Variants in C12orf56 observed in about 807,000 individuals in gnomAD.
C12orf56 encodes the protein chromosome 12 open reading frame 56, also known as uncharacterized protein C12orf56.
A neutral mutation model predicts 69.9 loss-of-function variants in C12orf56; 71 were observed. The observed-to-expected ratio is 1.02, with a 90% CI of 0.84 to 1.24. C12orf56 has a LOEUF of 1.24. Among genes scored for constraint, C12orf56 ranks in the 50% most tolerant of loss-of-function variants. The pLI is 0.00. For missense variants in C12orf56, 732 were observed against 738.5 expected, an observed-to-expected ratio of 0.99 and a Z score of 0.10; for synonymous variants, 276 against 274.1, an observed-to-expected ratio of 1.01 and a Z score of -0.07.
chr12:64,285,939 C>A lies in C12orf56; in HGVS notation c.1220+15G>T. The A allele has an allele frequency of 6.7e-7, 1 of 1,487,494 alleles. No homozygotes were observed. The highest frequency in any genetic ancestry group is 9.1e-7 in the Non-Finnish European group (1 of 1,098,054). 92.1% of individuals were successfully genotyped at this position (1,487,494 alleles called of 1,614,324 possible). A position where few individuals can be genotyped will look rare whatever the true frequency, so the allele number is the denominator to read the frequency against. ...CAAAAAAAAAAAAATCGATGATTAT[C>A]TAGTTAGTACTTACACCAGCTCATC... On this transcript the variant is annotated intron_variant, in intron 7 of 12. Coordinates refer to ENST00000543942, the MANE Select transcript of C12orf56 (RefSeq NM_001170633.2).
At chr12:64,390,241 G>T in intron 1 of C12orf56, 73 bp downstream of exon 1, 1 of 1,493,418 alleles carries the variant, frequency 6.7e-7, no homozygotes, top group Non-Finnish European at 8.9e-7. Flanking sequence ...CGCGCAGGAG[G>T]GCTGGGTTTG....
chr12:64,306,821 T>C (rs771267067), intron 5 of C12orf56, among the ~76,000 whole-genome samples: 8 of 152,222 alleles, frequency 5.3e-5, no homozygotes, highest in Non-Finnish European at 1.2e-4. Context: ...ATTTTCACAG[T>C]GGTCAGCTTG....
chr12:64,352,848 AC>A, intron 2 of C12orf56, 45 bp downstream of exon 2: 18 of 1,449,028 alleles, frequency 1.2e-5, no homozygotes, highest in East Asian at 4.8e-5. Context: ...ATATATATAT[AC>A]TTTTTTTTTT....
chr12:64,312,832 T>C, intron 4 of C12orf56, 80 bp from the exon 5 acceptor site: 1 of 1,035,716 alleles, frequency 9.7e-7, no homozygotes, highest in Non-Finnish European at 1.4e-6. Context: ...CAATGTTATG[T>C]ATCTATTCTT....
In C12orf56 at chr12:64,390,527, C is replaced by A. The variant is rs771384163; in HGVS notation, c.39G>T (p.Arg13Ser). 3 of 1,596,882 alleles carry A rather than the reference C, an allele frequency of 1.9e-6. No homozygotes were observed. The highest frequency in any genetic ancestry group is 1.3e-5 in the African/African-American group (1 of 74,818). Reference protein sequence around the residue: ...SPLPSGFPARRNSRLDVFLRR... With the variant: ...SPLPSGFPARSNSRLDVFLRR... ...GCAGGAACACATCCAGGCGGCTGTT[C>A]CTGCGCGCGGGGAAGCCGGACGGCA... is the stretch of plus-strand genomic sequence containing the variant. The change falls in exon 1 of 13, where the codon AGG becomes AGT. Residue 13 changes from arginine to serine, a missense_variant. Coordinates refer to ENST00000543942, the MANE Select transcript of C12orf56 (RefSeq NM_001170633.2).
intron 1 of C12orf56, among the ~76,000 whole-genome samples, chr12:64,365,839 G>C (rs2039465257): frequency 7.3e-6 from 1 of 136,086 alleles, no homozygotes; most frequent in East Asian, 2.1e-4. Context: ...ATAATATATA[G>C]TGTATATATT....
At position 64,390,319 on chromosome 12, in the gene C12orf56, C is replaced by T; in HGVS notation, c.247G>A (p.Asp83Asn). ...TGCCCACCCGCGCCGCTCACCAGGTCAATGGCCACGACGTCCCGCAGAGCC... is the reference window on the plus strand; with the variant it reads ...TGCCCACCCGCGCCGCTCACCAGGTTAATGGCCACGACGTCCCGCAGAGCC... ...VVALRDVVAI[D>N]LIDDYPEFLS... The change falls in exon 1 of 13, where the codon GAC becomes AAC. Residue 83 changes from aspartate (D) to asparagine (N), a missense_variant. Physicochemically the swap from Asp to Asn is conservative, Grantham distance 23 (BLOSUM62 1). Transcript: ENST00000543942. 6.2e-7 allele frequency: 1 copy of T among 1,608,576 alleles called. No individual in the cohort carries two copies. The highest frequency in any genetic ancestry group is 8.5e-7 in the Non-Finnish European group (1 of 1,178,624).
intron 1 of C12orf56, among the ~76,000 whole-genome samples, chr12:64,368,376 G>A (rs2039526444): frequency 6.6e-6 from 1 of 152,012 alleles, no homozygotes; most frequent in Admixed American, 6.6e-5. Flanking sequence ...TGCTTGTGTG[G>A]TGGCAAATTT....
chr12:64,378,491 T>C (rs1232667071), intron 1 of C12orf56, among the ~76,000 whole-genome samples: 4 of 152,040 alleles, frequency 2.6e-5, no homozygotes, highest in Non-Finnish European at 5.9e-5. Flanking sequence ...TGGAGTACAG[T>C]GGCACAATCT....
At chr12:64,365,831 A>ATATTATACATT (rs2039465011) in intron 1 of C12orf56, among the ~76,000 whole-genome samples, 1 of 139,356 alleles carries the variant, frequency 7.2e-6, no homozygotes, top group African/African-American at 2.7e-5. Context: ...TATTATGTAT[A>ATATTATACATT]ATATATAGTG....
Position 64,264,987 on chromosome 12 carries a change from G to A in C12orf56, c.*2196C>T, listed in dbSNP as rs2037905892. On this transcript the variant is annotated 3_prime_UTR_variant, in exon 13 of 13. Coordinates refer to ENST00000543942, the MANE Select transcript of C12orf56 (RefSeq NM_001170633.2). ...GTAAGATCCCAGGGCAAAGAGAGGAGTGGGAGAGGCATGCAGAAATCATGT... is the reference window on the plus strand; with the variant it reads ...GTAAGATCCCAGGGCAAAGAGAGGAATGGGAGAGGCATGCAGAAATCATGT... 1 of 152,220 alleles carries A rather than the reference G, an allele frequency of 6.6e-6. No homozygotes were observed. The highest frequency in any genetic ancestry group is 1.5e-5 in the Non-Finnish European group (1 of 68,064). The allele number at this position is 152,220 out of a possible 1,614,324, so 9.4% of individuals were successfully genotyped here.
At chr12:64,377,148 A>T (rs1031109880) in intron 1 of C12orf56, among the ~76,000 whole-genome samples, 4 of 147,482 alleles carry the variant, frequency 2.7e-5, no homozygotes, top group Admixed American at 1.4e-4. Flanking sequence ...TGTTGGCCAC[A>T]TGTATATCTT....
chr12:64,276,001 AC>A (rs57825864), intron 9 of C12orf56, among the ~76,000 whole-genome samples: 34,024 of 145,058 alleles, frequency 0.23, 4,128 homozygotes, highest in East Asian at 0.51. Flanking sequence ...AGAAATACAC[AC>A]CCCCCCCCGC....
At chr12:64,285,404 C>T (rs935425565) in intron 7 of C12orf56, among the ~76,000 whole-genome samples, 5 of 152,106 alleles carry the variant, frequency 3.3e-5, no homozygotes, top group Non-Finnish European at 7.4e-5. Context: ...TCCAGATACC[C>T]ATTTTTCCCA....
chr12:64,353,428 A>G (rs2039261740), intron 1 of C12orf56, among the ~76,000 whole-genome samples: 1 of 151,870 alleles, frequency 6.6e-6, no homozygotes, highest in Non-Finnish European at 1.5e-5. Flanking sequence ...CAGTGCTGGG[A>G]TTACAGGCAT....
intron 3 of C12orf56, among the ~76,000 whole-genome samples, chr12:64,325,943 C>A (rs956425134): frequency 3.9e-5 from 6 of 152,124 alleles, no homozygotes; most frequent in Non-Finnish European, 7.3e-5. Flanking sequence ...GATCTAACAC[C>A]AGTCCAAATC....
intron 1 of C12orf56, among the ~76,000 whole-genome samples, chr12:64,370,936 G>T (rs933414677): frequency 3.3e-5 from 5 of 152,042 alleles, no homozygotes; most frequent in Admixed American, 3.3e-4. Context: ...GGAGTTCAAG[G>T]CTGCAGTGAG....
intron 5 of C12orf56, among the ~76,000 whole-genome samples, chr12:64,308,940 G>GAAGAAAGAAAGAAAGAAAGAAAGAAAGA (rs1555188252): frequency 4.5e-4 from 36 of 80,872 alleles, no homozygotes; most frequent in East Asian, 1.1e-3. Context: ...AAGAAAGAAA[G>GAAGAAAGAAAGAAAGAAAGAAAGAAAGA]AAGAAAGAAA....
At chr12:64,297,120 G>A (rs563484695) in intron 6 of C12orf56, among the ~76,000 whole-genome samples, 2 of 152,172 alleles carry the variant, frequency 1.3e-5, no homozygotes, top group Admixed American at 1.3e-4. Flanking sequence ...CAGAACGTAT[G>A]TTTTCCAAGA....
Sources: allele counts gnomAD v4.1 joint callset (sites outside exome capture counted in the v4.1 genomes callset), GRCh38; gene constraint gnomAD v4.1.1; transcripts MANE v1.5; gene names NCBI Gene and HGNC (gene_info 2026-07-23, HGNC 2026-07-21).